PPP2R2A: variants seen among roughly 807,000 people sequenced by gnomAD.
PPP2R2A encodes protein phosphatase 2 regulatory subunit Balpha.
Under a neutral mutation model 53.2 loss-of-function variants are expected in PPP2R2A, and 9 were observed. The observed-to-expected ratio is 0.17, with a 90% CI of 0.10 to 0.30. The LOEUF is 0.30. Ranked by LOEUF, PPP2R2A falls within the 10% of genes least tolerant of loss-of-function variation. The pLI, the probability that PPP2R2A is intolerant of heterozygous loss-of-function variation, is 1.00. For synonymous variants in PPP2R2A, 169 were observed against 174.2 expected (o/e 0.97, Z 0.23); for missense variants, 235 against 534.6 (o/e 0.44, Z 5.53).
chr8:26,360,007 G>T lies in PPP2R2A; in HGVS notation c.347-162G>T, dbSNP rs1168919298. On this transcript the variant is annotated intron_variant, in intron 4 of 9. Transcript: ENST00000380737. This position sits in a 1 kb window ranked among gnomAD's most constrained non-coding sequence, Gnocchi z 4.5. ...TTGCACTTTATTTCCATGTGTGTAT[G>T]TTATTCAGCTGATAATAGGAAATTT... is the stretch of plus-strand genomic sequence containing the variant. Among the ~76,000 whole-genome samples, 2 of 149,822 alleles carry T rather than the reference G, an allele frequency of 1.3e-5. No homozygotes were observed. Among genetic ancestry groups the T allele is most frequent in the African/African-American group, 4.9e-5 (2 of 40,824 alleles).
At chr8:26,318,510 A>G (rs1286383704) in intron 2 of PPP2R2A, among the ~76,000 whole-genome samples, 1 of 152,210 alleles carries the variant, frequency 6.6e-6, no homozygotes, top group Non-Finnish European at 1.5e-5. Context: ...ATGAATGTAT[A>G]ATTGTGGAAG....
At chr8:26,363,267 G>C (rs1805211013) in intron 7 of PPP2R2A, 1 of 156,780 alleles carries the variant, frequency 6.4e-6, no homozygotes, top group Non-Finnish European at 1.4e-5. Context: ...CAATATTCTT[G>C]TCTTGTTGAA....
Position 26,342,509 on chromosome 8 carries a change from C to A in PPP2R2A, c.180+3522C>A, listed in dbSNP as rs1405269344. Among the ~76,000 whole-genome samples the A allele has an allele frequency of 1.1e-4, 17 of 152,128 alleles. 1 individual carries two copies. Among genetic ancestry groups the A allele is most frequent in the Non-Finnish European group, 1.5e-5 (1 of 68,008 alleles). ...AGCAGTTGTCAAAGTAGCTGGTTTC[C>A]TACTGAGTTGGGTTGCTCAGACCTT... On this transcript the variant is annotated intron_variant, in intron 3 of 9. Coordinates refer to ENST00000380737, the MANE Select transcript of PPP2R2A (RefSeq NM_002717.4).
At chr8:26,301,072 A>G (rs1231311341) in intron 2 of PPP2R2A, among the ~76,000 whole-genome samples, 2 of 152,176 alleles carry the variant, frequency 1.3e-5, no homozygotes, top group Non-Finnish European at 2.9e-5. Context: ...GGGAAAGTTA[A>G]TTAACTGTAT....
chr8:26,315,235 G>T (rs1802489139), intron 2 of PPP2R2A, among the ~76,000 whole-genome samples: 1 of 152,056 alleles, frequency 6.6e-6, no homozygotes, highest in African/African-American at 2.4e-5. Flanking sequence ...GAGTAAATTA[G>T]GAGCTTTGTG....
chr8:26,368,553 A>AG (rs1320850768), intron 9 of PPP2R2A, among the ~76,000 whole-genome samples: 3 of 152,368 alleles, frequency 2.0e-5, no homozygotes, highest in African/African-American at 7.2e-5. Context: ...ATATTTGCTT[A>AG]AAATGTTCTA....
At chr8:26,306,896 T>C (rs575405601) in intron 2 of PPP2R2A, among the ~76,000 whole-genome samples, 35 of 152,344 alleles carry the variant, frequency 2.3e-4, no homozygotes, top group African/African-American at 8.2e-4. Flanking sequence ...CTCTCTTCTT[T>C]CTCCCAGTTT....
intron 9 of PPP2R2A, among the ~76,000 whole-genome samples, chr8:26,368,096 G>A (rs17055172): frequency 0.2 from 30,887 of 152,084 alleles, 3,378 homozygotes; most frequent in East Asian, 0.44. Flanking sequence ...CACAGCCTAG[G>A]TGTCCTAATA....
chr8:26,366,739 C>T (rs994358740), intron 9 of PPP2R2A, among the ~76,000 whole-genome samples: 5 of 152,112 alleles, frequency 3.3e-5, no homozygotes, highest in East Asian at 3.9e-4. Context: ...AACATTCAGG[C>T]GGCAGATAAC....
chr8:26,342,680 G>T (rs1401369869), intron 3 of PPP2R2A, among the ~76,000 whole-genome samples: 1 of 152,020 alleles, frequency 6.6e-6, no homozygotes, highest in Non-Finnish European at 1.5e-5. Flanking sequence ...TTGGTATGGG[G>T]CCTTTGATTT....
chr8:26,357,698 G>A (rs1470441350), intron 4 of PPP2R2A, among the ~76,000 whole-genome samples: 1 of 151,960 alleles, frequency 6.6e-6, no homozygotes, highest in East Asian at 1.9e-4. Context: ...ACATAAAGCT[G>A]CATTCCCACA....
chr8:26,342,177 A>C (rs1331488128), intron 3 of PPP2R2A, among the ~76,000 whole-genome samples: 1 of 152,218 alleles, frequency 6.6e-6, no homozygotes, highest in Non-Finnish European at 1.5e-5. Flanking sequence ...AAAGAAATTG[A>C]GGCACACAAG....
At chr8:26,328,921 A>G (rs1803228499) in intron 2 of PPP2R2A, among the ~76,000 whole-genome samples, 1 of 152,212 alleles carries the variant, frequency 6.6e-6, no homozygotes, top group Admixed American at 6.5e-5. Context: ...TTGTATATAA[A>G]CACATCTGAT....
chr8:26,316,231 C>T (rs965337870), intron 2 of PPP2R2A, among the ~76,000 whole-genome samples: 2 of 152,182 alleles, frequency 1.3e-5, no homozygotes, highest in South Asian at 2.1e-4. Context: ...TGTTCTCGAA[C>T]TTGTGAGCTC....
At chr8:26,308,749 A>G (rs1304730752) in intron 2 of PPP2R2A, among the ~76,000 whole-genome samples, 1 of 152,120 alleles carries the variant, frequency 6.6e-6, no homozygotes, top group African/African-American at 2.4e-5. Flanking sequence ...TGAATCATGG[A>G]TGTTCTTAAT....
chr8:26,293,008 A>G, intron 1 of PPP2R2A: 1 of 430,752 alleles, frequency 2.3e-6, no homozygotes, highest in Non-Finnish European at 4.1e-6. Flanking sequence ...TTTGCACGAG[A>G]TGACATTAGC....
At chr8:26,369,732 G>T (rs1310366286) in intron 9 of PPP2R2A, among the ~76,000 whole-genome samples, 1 of 152,208 alleles carries the variant, frequency 6.6e-6, no homozygotes, top group Non-Finnish European at 1.5e-5. Context: ...GGTTTCTTGT[G>T]AACAGCTACA....
chr8:26,300,283 A>G (rs566591673), intron 2 of PPP2R2A, among the ~76,000 whole-genome samples: 4 of 152,364 alleles, frequency 2.6e-5, no homozygotes, highest in South Asian at 2.1e-4. Context: ...AATAAGCAGA[A>G]TGATGAGAGG....
intron 2 of PPP2R2A, among the ~76,000 whole-genome samples, chr8:26,301,714 C>T (rs2117202722): frequency 6.6e-6 from 1 of 152,214 alleles, no homozygotes; most frequent in Non-Finnish European, 1.5e-5. Context: ...TCATTTAGTC[C>T]AGTGGTTCTC....
Sources: allele counts gnomAD v4.1 joint callset (sites outside exome capture counted in the v4.1 genomes callset), GRCh38; gene constraint gnomAD v4.1.1; non-coding constraint Gnocchi (gnomAD v3.1); transcripts MANE v1.5; gene names NCBI Gene and HGNC (gene_info 2026-07-23, HGNC 2026-07-21).